The following FAM53A variants were observed in gnomAD, a reference collection of about 807,000 sequenced individuals.
The protein encoded by FAM53A is protein FAM53A.
A neutral mutation model predicts 26.6 loss-of-function variants in FAM53A; 28 were observed. That is an observed-to-expected ratio of 1.05 (90% CI 0.78 to 1.45). FAM53A has a LOEUF of 1.45. Among genes scored for constraint, FAM53A ranks in the 40% most tolerant of loss-of-function variants. The pLI, the probability that FAM53A is intolerant of heterozygous loss-of-function variation, is 0.00. For missense variants in FAM53A, 650 were observed against 575.8 expected, an observed-to-expected ratio of 1.13 and a Z score of -1.32; for synonymous variants, 290 against 253.1, an observed-to-expected ratio of 1.15 and a Z score of -1.38.
chr4:1,609,613 A>G, the FAM53A span, among the ~76,000 whole-genome samples: 1 of 152,044 alleles, frequency 6.6e-6, no homozygotes, highest in Non-Finnish European at 1.5e-5. Context: ...GGCGCCTTCC[A>G]TCAGGGTTAT....
At chr4:1,605,256 C>T in the FAM53A span, among the ~76,000 whole-genome samples, 8 of 152,168 alleles carry the variant, frequency 5.3e-5, no homozygotes, top group African/African-American at 1.4e-4. The surrounding 1 kb of genome is among the most constrained non-coding windows in gnomAD (Gnocchi z 5.7). Context: ...GCTCTCAGCG[C>T]GGCCTCAGCT....
upstream of FAM53A, among the ~76,000 whole-genome samples, chr4:1,685,141 G>A (rs1002000498): frequency 6.6e-6 from 1 of 152,192 alleles, no homozygotes; most frequent in African/African-American, 2.4e-5. Context: ...ACGGCCAGGT[G>A]TGCTGGCCCT....
chr4:1,624,594 C>T (rs762429909), intron 1 of FAM53A, among the ~76,000 whole-genome samples: 1 of 152,204 alleles, frequency 6.6e-6, no homozygotes, highest in Admixed American at 6.5e-5. Context: ...CATCTACATC[C>T]TCAAAGGCAA....
chr4:1,641,715 A>ACC, intron 4 of FAM53A, 108 bp from the exon 5 acceptor site: 1 of 1,105,420 alleles, frequency 9.0e-7, no homozygotes, highest in East Asian at 2.4e-5. Context: ...GGCCATCCCC[A>ACC]AGACCACACA....
At chr4:1,623,047 A>G (rs1715116975) in intron 1 of FAM53A, among the ~76,000 whole-genome samples, 1 of 152,216 alleles carries the variant, frequency 6.6e-6, no homozygotes. Context: ...CCCCACGGTC[A>G]CAGGGCTGAC....
chr4:1,611,417 A>G, the FAM53A span, among the ~76,000 whole-genome samples: 1 of 152,162 alleles, frequency 6.6e-6, no homozygotes, highest in Non-Finnish European at 1.5e-5. Flanking sequence ...CTCAGGCCAC[A>G]AGGGCAGCTC....
chr4:1,677,200 T>A (rs1021517681), intron 1 of FAM53A, among the ~76,000 whole-genome samples: 1 of 152,062 alleles, frequency 6.6e-6, no homozygotes, highest in Non-Finnish European at 1.5e-5. Context: ...GCTTTCAGGG[T>A]CTTCTCTCGC....
downstream of FAM53A, among the ~76,000 whole-genome samples, chr4:1,636,413 G>A (rs1372119041): frequency 2.0e-5 from 3 of 152,122 alleles, no homozygotes; most frequent in African/African-American, 4.8e-5. Context: ...ATTTCTCCTC[G>A]CAGTTGGCTG....
rs939247663 is a variant in FAM53A at position 1,657,562 on chromosome 4, T to C, written c.76-94A>G. 1.9e-5 allele frequency: 20 copies of C among 1,045,550 alleles called. No homozygotes were observed. In the Admixed American group the frequency reaches 3.9e-4, roughly 20 times the overall value. 64.8% of individuals were successfully genotyped at this position (1,045,550 alleles called of 1,614,324 possible). A position where few individuals can be genotyped will look rare whatever the true frequency, so the allele number is the denominator to read the frequency against. On this transcript the variant is annotated intron_variant, in intron 2 of 4. Coordinates refer to ENST00000308132, the MANE Select transcript of FAM53A (RefSeq NM_001174070.3). ...TCATCACTGCAGCACGTTCTACCTT[T>C]CCCCAGTGTTTTCTTTCTAGTGATT...
Position 1,655,332 on chromosome 4 carries a change from C to A in FAM53A, c.528G>T (p.Ser176=). Residue 176 remains serine (S), a synonymous_variant, in exon 4 of 5, where the codon TCG becomes TCT. Coordinates refer to ENST00000308132, the MANE Select transcript of FAM53A (RefSeq NM_001174070.3). ...GCGTGGCGGGCGAGGTGGGACCGGT[C>A]GACCACACAGCACTCCTCGGCAGGA... ...GAVLPRSAVW[S]TGPTSPATPR... is the part of the protein sequence containing the mutation. 4 of 1,423,266 alleles carry A rather than the reference C, an allele frequency of 2.8e-6. No homozygotes were observed. The highest frequency in any genetic ancestry group is 2.7e-6 in the Non-Finnish European group (3 of 1,093,670). 88.2% of individuals were successfully genotyped at this position (1,423,266 alleles called of 1,614,324 possible). A position where few individuals can be genotyped will look rare whatever the true frequency, so the allele number is the denominator to read the frequency against.
At chr4:1,595,021 C>T in the FAM53A span, among the ~76,000 whole-genome samples, 2 of 152,240 alleles carry the variant, frequency 1.3e-5, no homozygotes, top group African/African-American at 4.8e-5. Context: ...CCCATCCCCC[C>T]ACAGGATGGA....
the FAM53A span, among the ~76,000 whole-genome samples, chr4:1,578,019 C>T: frequency 6.6e-6 from 1 of 152,194 alleles, no homozygotes; most frequent in South Asian, 2.1e-4. Context: ...CCTTGCAGGC[C>T]GGGGTGAGCA....
chr4:1,615,592 C>T (rs555517284), downstream of FAM53A, among the ~76,000 whole-genome samples: 96 of 145,320 alleles, frequency 6.6e-4, no homozygotes, highest in African/African-American at 2.5e-3. Flanking sequence ...TGGGCACGCA[C>T]GGAAGACAGG....
downstream of FAM53A, among the ~76,000 whole-genome samples, chr4:1,614,416 G>C (rs368438747): frequency 3.6e-3 from 467 of 130,930 alleles, 19 homozygotes; most frequent in African/African-American, 0.014. Context: ...ACGTGAGGGG[G>C]ATGCAGAGAC....
chr4:1,585,049 T>A, the FAM53A span, among the ~76,000 whole-genome samples: 1 of 152,246 alleles, frequency 6.6e-6, no homozygotes, highest in Non-Finnish European at 1.5e-5. Flanking sequence ...CATTGTGGAA[T>A]GGCTAAATTT....
At chr4:1,613,388 G>T (rs1714698499), downstream of FAM53A, among the ~76,000 whole-genome samples, 1 of 152,188 alleles carries the variant, frequency 6.6e-6, no homozygotes, top group African/African-American at 2.4e-5. Context: ...CTCGGTAAGG[G>T]CCCTAATCCC....
At chr4:1,658,900 G>A (rs768918222) in intron 2 of FAM53A, among the ~76,000 whole-genome samples, 2 of 152,212 alleles carry the variant, frequency 1.3e-5, no homozygotes, top group African/African-American at 2.4e-5. Flanking sequence ...CGCAGGGTCC[G>A]GGCACAGCAG....
rs1715559841 is a variant in FAM53A at position 1,630,360 on chromosome 4, A to C, written c.432-12249T>G. 6.6e-6 allele frequency among the ~76,000 whole-genome samples: 1 copy of C among 152,244 alleles called. No individual in the cohort carries two copies. Among genetic ancestry groups the C allele is most frequent in the African/African-American group, 2.4e-5 (1 of 41,468 alleles). The stretch of plus-strand genomic sequence containing the variant: ...CCACTCACCTCTGCCACTGCAGCCG[A>C]AACAGCCACAGCCAAGGTCTACACA... On this transcript the variant is annotated intron_variant, in intron 1 of 1. Transcript: ENST00000489029. The surrounding 1 kb of genome is among the most constrained non-coding windows in gnomAD (Gnocchi z 4.3).
chr4:1,667,029 G>A (rs1453509134), intron 2 of FAM53A, among the ~76,000 whole-genome samples: 2 of 152,180 alleles, frequency 1.3e-5, no homozygotes, highest in Non-Finnish European at 2.9e-5. Context: ...TCAGGAGGCT[G>A]AGGCGGGAGA....
Sources: allele counts gnomAD v4.1 joint callset (sites outside exome capture counted in the v4.1 genomes callset), GRCh38; gene constraint gnomAD v4.1.1; non-coding constraint Gnocchi (gnomAD v3.1); transcripts MANE v1.5; gene names NCBI Gene and HGNC (gene_info 2026-07-23, HGNC 2026-07-21).